Variants in DIP2C observed in about 807,000 individuals in gnomAD.
DIP2C encodes the protein disco-interacting protein 2 homolog C.
DIP2C carries 33 observed loss-of-function variants against 192.4 expected under a neutral mutation model. The ratio of observed to expected loss-of-function variants is 0.17; its 90% CI spans 0.13 to 0.23. DIP2C has a LOEUF of 0.23. Among genes scored for constraint, DIP2C ranks in the 10% least tolerant of loss-of-function variants. The pLI, the probability that DIP2C is intolerant of heterozygous loss-of-function variation, is 1.00. For synonymous variants in DIP2C, 979 were observed against 864.1 expected, an observed-to-expected ratio of 1.13 and a Z score of -2.33; for missense variants, 1,537 against 2,110.1, an observed-to-expected ratio of 0.73 and a Z score of 5.32.
chr10:423,721 C>T (rs1171356246), intron 4 of DIP2C, among the ~76,000 whole-genome samples: 5 of 151,518 alleles, frequency 3.3e-5, no homozygotes, highest in Admixed American at 1.3e-4. Flanking sequence ...ATTTCTACGT[C>T]GGTGTGTGTG....
chr10:555,568 G>A (rs901960289), intron 1 of DIP2C, among the ~76,000 whole-genome samples: 3 of 152,120 alleles, frequency 2.0e-5, no homozygotes, highest in African/African-American at 7.2e-5. Context: ...AGAAGAGAAG[G>A]CAGGTGACTC....
intron 1 of DIP2C, among the ~76,000 whole-genome samples, chr10:538,217 G>A (rs1464726896): frequency 6.6e-6 from 1 of 152,188 alleles, no homozygotes; most frequent in Non-Finnish European, 1.5e-5. Context: ...GCATGCAGTG[G>A]CACAATGATA....
intron 1 of DIP2C, among the ~76,000 whole-genome samples, chr10:625,687 A>G (rs937094297): frequency 6.6e-6 from 1 of 152,232 alleles, no homozygotes; most frequent in African/African-American, 2.4e-5. Context: ...TGAAGCAGGA[A>G]CGAGCTCTTA....
chr10:277,251 G>A lies in DIP2C; in HGVS notation c.*74C>T. 6.4e-7 allele frequency: 1 copy of A among 1,572,320 alleles called. No individual in the cohort carries two copies. Among genetic ancestry groups the A allele is most frequent in the Non-Finnish European group, 8.6e-7 (1 of 1,162,314 alleles). ...TGTATTCTGGTGAGTGTTGCCCTGT[G>A]TCTGCACGCTTCAGTGGACACGGAG... On this transcript the variant is annotated 3_prime_UTR_variant, in exon 37 of 37. Coordinates refer to ENST00000280886, the MANE Select transcript of DIP2C (RefSeq NM_014974.3).
intron 1 of DIP2C, among the ~76,000 whole-genome samples, chr10:587,674 C>G (rs957787920): frequency 7.1e-6 from 1 of 140,844 alleles, no homozygotes; most frequent in Non-Finnish European, 1.5e-5. Flanking sequence ...CCTGACCCTG[C>G]GGAAACCCCA....
chr10:302,287 G>T (rs1006626269), intron 32 of DIP2C, among the ~76,000 whole-genome samples: 3 of 152,062 alleles, frequency 2.0e-5, no homozygotes, highest in Admixed American at 6.6e-5. Flanking sequence ...CCATTTCACA[G>T]GCAGAGAAAG....
At chr10:378,263 G>A (rs1231760226) in intron 17 of DIP2C, among the ~76,000 whole-genome samples, 1 of 152,216 alleles carries the variant, frequency 6.6e-6, no homozygotes, top group African/African-American at 2.4e-5. Context: ...AGTTCACGTA[G>A]CAAGACTGAG....
rs72772895 is a variant in DIP2C at position 439,628 on chromosome 10, C to G, written c.394+1243G>C. Among the ~76,000 whole-genome samples, 379 of 152,120 alleles carry G rather than the reference C, an allele frequency of 2.5e-3. 2 individuals carry two copies. The highest frequency in any genetic ancestry group is 4.8e-3 in the East Asian group (25 of 5,170). On this transcript the variant is annotated intron_variant, in intron 4 of 36. Transcript: ENST00000280886. ...GATAGAGCAAGACCCTGTCTCAAAACAAACAAAAAACAACAAAAACCCCAA... is the reference window on the plus strand; with the variant it reads ...GATAGAGCAAGACCCTGTCTCAAAAGAAACAAAAAACAACAAAAACCCCAA...
intron 1 of DIP2C, among the ~76,000 whole-genome samples, chr10:618,958 C>T (rs975779757): frequency 2.0e-5 from 3 of 151,136 alleles, no homozygotes; most frequent in African/African-American, 7.4e-5. Flanking sequence ...ACTTCCAATT[C>T]TTCTTTCCAG....
At chr10:580,300 C>T (rs967521724) in intron 1 of DIP2C, among the ~76,000 whole-genome samples, 1 of 152,070 alleles carries the variant, frequency 6.6e-6, no homozygotes, top group South Asian at 2.1e-4. Context: ...AGCATGCGTA[C>T]ATTAGTGTGC....
intron 11 of DIP2C, 113 bp downstream of exon 11, chr10:390,627 G>C (rs976104145): frequency 6.6e-7 from 1 of 1,506,334 alleles, no homozygotes; most frequent in African/African-American, 1.4e-5. Context: ...GTGGGTCTGT[G>C]ACTGACGTTT....
Position 413,656 on chromosome 10 carries a change from T to A in DIP2C, c.1057+257A>T, listed in dbSNP as rs546623125. Among the ~76,000 whole-genome samples the A allele has an allele frequency of 3.3e-5, 5 of 152,156 alleles. No individual in the cohort carries two copies. In the East Asian group the frequency reaches 9.6e-4, roughly 29 times the overall value. ...CACCAGAAGTAACAGACACTGAGCT[T>A]TGTGTGTTTGGGAGTGGCTGCGCGA... On this transcript the variant is annotated intron_variant, in intron 8 of 36. Transcript: ENST00000280886.
intron 3 of DIP2C, among the ~76,000 whole-genome samples, chr10:460,474 G>A (rs530903953): frequency 9.2e-5 from 14 of 152,192 alleles, no homozygotes; most frequent in Non-Finnish European, 1.5e-4. Context: ...AAGGTCATGG[G>A]TTTAGAAATG....
At chr10:324,275 G>A (rs1428268595) in intron 31 of DIP2C, among the ~76,000 whole-genome samples, 1 of 152,202 alleles carries the variant, frequency 6.6e-6, no homozygotes, top group Non-Finnish European at 1.5e-5. Flanking sequence ...GCTGACATGA[G>A]CCCCTTCAAG....
chr10:597,390 G>A (rs1036098266), intron 1 of DIP2C, among the ~76,000 whole-genome samples: 1 of 152,172 alleles, frequency 6.6e-6, no homozygotes, highest in Admixed American at 6.5e-5. Context: ...GGAGAGCCCT[G>A]ACTAAGCTGC....
chr10:397,364 T>A (rs543995991), intron 10 of DIP2C, among the ~76,000 whole-genome samples: 1 of 152,064 alleles, frequency 6.6e-6, no homozygotes, highest in African/African-American at 2.4e-5. Flanking sequence ...ACCTCATCTC[T>A]ACTAAAAATA....
At chr10:481,092 G>A (rs546572066) in intron 2 of DIP2C, among the ~76,000 whole-genome samples, 2 of 152,014 alleles carry the variant, frequency 1.3e-5, no homozygotes, top group South Asian at 2.1e-4. Context: ...CTGCCTTGGG[G>A]TCACCAGACT....
rs540844707 is a variant in DIP2C at position 507,105 on chromosome 10, A to G, written c.86-20575T>C. Among the ~76,000 whole-genome samples the G allele has an allele frequency of 2.0e-5, 3 of 151,772 alleles. No individual in the cohort carries two copies. In the East Asian group the frequency reaches 5.9e-4, roughly 30 times the overall value. ...CCGGTCACCCGCTGTGCACGATGAG[A>G]GGTATGCGAGGTTAGGGACCTGGTC... is the stretch of plus-strand genomic sequence containing the variant. On this transcript the variant is annotated intron_variant, in intron 1 of 36. Coordinates refer to ENST00000280886, the MANE Select transcript of DIP2C (RefSeq NM_014974.3).
chr10:619,512 GC>G (rs200108698), intron 1 of DIP2C, among the ~76,000 whole-genome samples: 15,553 of 128,982 alleles, frequency 0.12, 1,197 homozygotes, highest in African/African-American at 0.3. Flanking sequence ...CAGGCTTTAT[GC>G]CAGGGCCAGG....
Sources: allele counts gnomAD v4.1 joint callset (sites outside exome capture counted in the v4.1 genomes callset), GRCh38; gene constraint gnomAD v4.1.1; transcripts MANE v1.5; gene names NCBI Gene and HGNC (gene_info 2026-07-23, HGNC 2026-07-21).